Variants in IPO8 observed in about 807,000 individuals in gnomAD.
The protein encoded by IPO8 is importin-8.
In IPO8, 65 loss-of-function variants were observed where a neutral mutation model predicts 141.2. The ratio of observed to expected loss-of-function variants is 0.46; its 90% CI spans 0.38 to 0.57. The LOEUF is 0.57. IPO8 is among the 20% of genes least tolerant of loss of function. The pLI, the probability that IPO8 is intolerant of heterozygous loss-of-function variation, is 0.00. For synonymous variants in IPO8, 411 were observed against 420.3 expected (o/e 0.98, Z 0.27); for missense variants, 980 against 1,246.8 (o/e 0.79, Z 3.22).
At chr12:30,666,919 C>T (rs551036574) in intron 10 of IPO8, among the ~76,000 whole-genome samples, 35 of 152,230 alleles carry the variant, frequency 2.3e-4, no homozygotes, top group African/African-American at 7.0e-4. Context: ...CTGGCTCTGT[C>T]GATACGTAAG....
chr12:30,694,129 C>G (rs951908842), intron 1 of IPO8, among the ~76,000 whole-genome samples: 7 of 152,136 alleles, frequency 4.6e-5, no homozygotes, highest in African/African-American at 1.7e-4. Context: ...AACAGGCCAA[C>G]TCCCCTGTTC....
In IPO8 at chr12:30,662,473, T is replaced by C. The variant is rs1476722875; in HGVS notation, c.1609A>G (p.Lys537Glu). The C allele has an allele frequency of 1.5e-5, 24 of 1,610,824 alleles. No homozygotes were observed. The East Asian group carries it at 5.4e-4, about 36-fold the overall frequency. Residue 537 changes from lysine to glutamate, a missense_variant, in exon 15 of 25, where the codon AAG becomes GAG. Physicochemically the swap from Lys to Glu is moderately conservative, Grantham distance 56 (BLOSUM62 1). Coordinates refer to ENST00000256079, the MANE Select transcript of IPO8 (RefSeq NM_006390.4). ...SNQIQAKEYM[K>E]PHVRPIMQEL... is the part of the protein sequence containing the mutation. ...TGCATAATAGGCCTCACATGTGGCTTCATATATTCCTTAGCTAATTCAATA... is the reference window on the plus strand; with the variant it reads ...TGCATAATAGGCCTCACATGTGGCTCCATATATTCCTTAGCTAATTCAATA...
At chr12:30,694,825 G>T (rs1372150237) in intron 1 of IPO8, among the ~76,000 whole-genome samples, 4 of 152,204 alleles carry the variant, frequency 2.6e-5, no homozygotes, top group African/African-American at 9.7e-5. Flanking sequence ...TAGGGAAGAA[G>T]AAATAAGCTG....
In IPO8 at chr12:30,666,193, A is replaced by T. The variant is rs745553708; in HGVS notation, c.1203T>A (p.Ala401=). Residue 401 remains alanine, a synonymous_variant, in exon 11 of 25, where the codon GCT becomes GCA. Coordinates refer to ENST00000256079, the MANE Select transcript of IPO8 (RefSeq NM_006390.4). The part of the protein sequence containing the change: ...TTAAQTLLYT[A]AKKRKEVLPK... ...GAAATACCTCTTTTCTTTTCTTTGC[A>T]GCAGTATATAAGAGAGTCTGGGCTG... is the stretch of plus-strand genomic sequence containing the variant. 6.3e-7 allele frequency: 1 copy of T among 1,577,802 alleles called. No homozygotes were observed. The highest frequency in any genetic ancestry group is 1.2e-5 in the South Asian group (1 of 83,226).
At position 30,676,663 on chromosome 12, in the gene IPO8, G is replaced by A. The variant is rs1433247382; in HGVS notation, c.640-76C>T. 5.1e-5 allele frequency: 52 copies of A among 1,018,228 alleles called. No individual in the cohort carries two copies. The South Asian group carries it at 5.2e-4, about 10-fold the overall frequency. 63.1% of individuals were successfully genotyped at this position (1,018,228 alleles called of 1,614,324 possible). On this transcript the variant is annotated intron_variant, in intron 5 of 24. Transcript: ENST00000256079. ...TCAGCAATTTTATCTATATTGTAAG[G>A]CTAAAATATATGAAAGGGCTAACAT...
At chr12:30,658,875 CCT>C in intron 16 of IPO8, among the ~76,000 whole-genome samples, 1 of 125,736 alleles carries the variant, frequency 8.0e-6, no homozygotes, top group African/African-American at 3.3e-5. Flanking sequence ...GAGTATCAAG[CCT>C]TTTTTTTTTT....
At position 30,631,984 on chromosome 12, in the gene IPO8, T is replaced by A. The variant is rs1409483440; in HGVS notation, c.2927A>T (p.Tyr976Phe). 4.3e-6 allele frequency: 7 copies of A among 1,612,546 alleles called. No homozygotes were observed. Among genetic ancestry groups the A allele is most frequent in the Non-Finnish European group, 5.9e-6 (7 of 1,179,746 alleles). The change falls in exon 24 of 25, where the codon TAC becomes TTC. Residue 976 changes from tyrosine to phenylalanine, a missense_variant. By Grantham distance (22) the Tyr-to-Phe change is conservative. Transcript: ENST00000256079. ...ITVQSRDAAW[Y>F]QLLMAPLSED... ...GCTGAGTGGTGCCATCAGCAGCTGG[T>A]ACCAGGCTGCATCTCGACTCTGCAC...
intron 1 of IPO8, chr12:30,694,844 G>T: frequency 2.7e-6 from 1 of 364,168 alleles, no homozygotes. Context: ...TGGAGTTTGG[G>T]ATCATTAAAA....
intron 1 of IPO8, among the ~76,000 whole-genome samples, chr12:30,691,581 T>A (rs975499225): frequency 1.3e-5 from 2 of 152,180 alleles, no homozygotes; most frequent in African/African-American, 4.8e-5. Flanking sequence ...AGAGTCCACA[T>A]ATGCCTTTGT....
chr12:30,659,580 G>A (rs1016647180), intron 16 of IPO8, among the ~76,000 whole-genome samples: 2 of 151,730 alleles, frequency 1.3e-5, no homozygotes, highest in Admixed American at 6.6e-5. Context: ...GGCTGGGCAC[G>A]GTGGCTCACA....
At chr12:30,643,711 T>C (rs1206923029) in intron 20 of IPO8, among the ~76,000 whole-genome samples, 1 of 152,258 alleles carries the variant, frequency 6.6e-6, no homozygotes, top group African/African-American at 2.4e-5. Flanking sequence ...TAGGTTGTTA[T>C]AAAGCAAGGA....
Position 30,630,925 on chromosome 12 carries a change from A to T in IPO8, c.3049T>A (p.Phe1017Ile), listed in dbSNP as rs772279080. 1 of 1,613,588 alleles carries T rather than the reference A, an allele frequency of 6.2e-7. No homozygotes were observed. The highest frequency in any genetic ancestry group is 1.3e-5 in the African/African-American group (1 of 74,920). ...AKKKIEQQGG[F>I]TFENKGVLSA... The stretch of plus-strand genomic sequence containing the variant: ...AGGACTCCTTTGTTTTCAAAGGTGA[A>T]GCCTCCCTGTTGTTCAATCTTCTTC... The change falls in exon 25 of 25, where the codon TTC becomes ATC. Residue 1017 changes from phenylalanine to isoleucine, a missense_variant. Phe to Ile is a conservative substitution (Grantham distance 21, BLOSUM62 0). This residue lies in a region of IPO8 where 924 missense variants were observed against 1,153.9 expected (regional missense o/e 0.80). Coordinates refer to ENST00000256079, the MANE Select transcript of IPO8 (RefSeq NM_006390.4).
At chr12:30,642,676 T>C (rs1308996787) in intron 20 of IPO8, among the ~76,000 whole-genome samples, 1 of 151,358 alleles carries the variant, frequency 6.6e-6, no homozygotes, top group East Asian at 1.9e-4. Flanking sequence ...ATACTATACA[T>C]ATATATGTTT....
At chr12:30,649,073 G>C in intron 20 of IPO8, 64 bp downstream of exon 20, 1 of 1,026,120 alleles carries the variant, frequency 9.7e-7, no homozygotes, top group Non-Finnish European at 1.5e-6. Context: ...TAAATGAAAA[G>C]TCAAGCAGGC....
intron 13 of IPO8, among the ~76,000 whole-genome samples, chr12:30,663,923 C>T (rs2304626): frequency 0.55 from 83,174 of 152,050 alleles, 23,358 homozygotes; most frequent in African/African-American, 0.67. Context: ...AATCTATTTA[C>T]GCTTTTAATA....
Position 30,631,891 on chromosome 12 carries a change from T to A in IPO8, c.3016+4A>T. ...ACTCCACTCTGGAGGTTACTCTGGC[T>A]GACCTGCCACCGTCCGTCGGTGCTC... On this transcript the variant is annotated splice_donor_region_variant and intron_variant, in intron 24 of 24. Transcript: ENST00000256079. 1 of 1,603,498 alleles carries A rather than the reference T, an allele frequency of 6.2e-7. No homozygotes were observed. Among genetic ancestry groups the A allele is most frequent in the Non-Finnish European group, 8.5e-7 (1 of 1,172,626 alleles).
At chr12:30,657,672 C>A (rs890838078) in intron 16 of IPO8, among the ~76,000 whole-genome samples, 1 of 152,060 alleles carries the variant, frequency 6.6e-6, no homozygotes, top group Non-Finnish European at 1.5e-5. Context: ...ATCCACTAAA[C>A]CGGGACTGGT....
At chr12:30,675,131 T>C (rs2053102559) in intron 6 of IPO8, among the ~76,000 whole-genome samples, 1 of 152,226 alleles carries the variant, frequency 6.6e-6, no homozygotes, top group Admixed American at 6.5e-5. Context: ...TTTATGTATG[T>C]AAGCTAAATG....
intron 2 of IPO8, chr12:30,688,271 A>C (rs2053261348): frequency 1.9e-5 from 5 of 257,754 alleles, no homozygotes; most frequent in South Asian, 1.8e-4. Flanking sequence ...CCAAACATTC[A>C]AATTTTTTTG....
Sources: gnomAD v4.1 joint callset for allele counts (sites outside exome capture counted in the v4.1 genomes callset) on GRCh38, gnomAD v4.1.1 for gene constraint, gnomAD v4.1.1 regional missense constraint, MANE v1.5 for transcripts, NCBI Gene and HGNC (gene_info 2026-07-23, HGNC 2026-07-21) for gene names.